Variants in STK10 observed in about 807,000 individuals in gnomAD.
The protein encoded by STK10 is serine/threonine kinase 10.
STK10 carries 78 observed loss-of-function variants against 113.8 expected under a neutral mutation model. That is an observed-to-expected ratio of 0.69 (90% CI 0.57 to 0.83). STK10 has a LOEUF of 0.83. Among genes scored for constraint, STK10 ranks in the 40% least tolerant of loss-of-function variants. The probability of loss-of-function intolerance (pLI) is 0.00; values close to 1 mark genes in which losing one functional copy is unlikely to be tolerated. For missense variants in STK10, 1,109 were observed against 1,280.1 expected, an observed-to-expected ratio of 0.87 and a Z score of 2.04; for synonymous variants, 465 against 494.7, an observed-to-expected ratio of 0.94 and a Z score of 0.80.
intron 14 of STK10, among the ~76,000 whole-genome samples, chr5:172,059,503 C>T (rs1226008477): frequency 6.6e-6 from 1 of 150,898 alleles, no homozygotes; most frequent in African/African-American, 2.4e-5. Context: ...GCCTACTTTG[C>T]ATACCCCATG....
chr5:172,106,950 C>T (rs1769127897), intron 5 of STK10, 136 bp from the exon 6 acceptor site: 2 of 825,542 alleles, frequency 2.4e-6, no homozygotes, highest in Non-Finnish European at 3.7e-6. Context: ...CGTGACTTTG[C>T]ATCCCACTGT....
At chr5:172,181,618 G>C (rs557353512) in intron 1 of STK10, among the ~76,000 whole-genome samples, 2 of 151,434 alleles carry the variant, frequency 1.3e-5, no homozygotes, top group South Asian at 2.1e-4. Flanking sequence ...TGAGTAGCTG[G>C]GATTACAGGC....
rs766348456 is a variant in STK10 at position 172,105,745 on chromosome 5, G to A, written c.789-8C>T. 1.2e-6 allele frequency: 2 copies of A among 1,613,682 alleles called. No individual in the cohort carries two copies. The highest frequency in any genetic ancestry group is 2.2e-5 in the South Asian group (2 of 91,084). On this transcript the variant is annotated splice_polypyrimidine_tract_variant and splice_region_variant and intron_variant, in intron 6 of 18. Coordinates refer to ENST00000176763, the MANE Select transcript of STK10 (RefSeq NM_005990.4). ...TCACGGAACTCTACAGACCTGGGAG[G>A]ACAGGCGTCAGAGGTAAGCATGGAG...
At chr5:172,176,887 C>A (rs1249360638) in intron 1 of STK10, among the ~76,000 whole-genome samples, 1 of 151,952 alleles carries the variant, frequency 6.6e-6, no homozygotes, top group Admixed American at 6.6e-5. Flanking sequence ...TAAAACAGAC[C>A]CCAGAGGCCG....
At chr5:172,168,495 G>C (rs532362950) in intron 1 of STK10, among the ~76,000 whole-genome samples, 1 of 152,300 alleles carries the variant, frequency 6.6e-6, no homozygotes, top group Non-Finnish European at 1.5e-5. Flanking sequence ...TGAGTCAGCA[G>C]AGGACAGGAG....
chr5:172,086,235 G>A (rs750259466), intron 10 of STK10, among the ~76,000 whole-genome samples: 4 of 152,180 alleles, frequency 2.6e-5, no homozygotes, highest in Non-Finnish European at 5.9e-5. Context: ...AGGAAGAAGA[G>A]GCAATGGCTG....
At chr5:172,150,857 C>T (rs1770209827) in intron 2 of STK10, among the ~76,000 whole-genome samples, 1 of 152,198 alleles carries the variant, frequency 6.6e-6, no homozygotes. Context: ...GTCACTCCTT[C>T]AGGGAGGGTA....
intron 18 of STK10, among the ~76,000 whole-genome samples, chr5:172,047,629 A>G (rs936565304): frequency 6.6e-5 from 10 of 152,186 alleles, no homozygotes; most frequent in African/African-American, 2.2e-4. Context: ...AGGACTCCCA[A>G]GGCCATCACA....
intron 9 of STK10, chr5:172,092,754 G>C (rs192089888): frequency 1.3e-5 from 2 of 152,198 alleles, no homozygotes; most frequent in Non-Finnish European, 2.9e-5. Flanking sequence ...GATTTATCGG[G>C]GAGGCCAGGA....
chr5:172,046,132 G>A (rs1400459889), intron 18 of STK10, among the ~76,000 whole-genome samples: 1 of 151,742 alleles, frequency 6.6e-6, no homozygotes, highest in African/African-American at 2.4e-5. Context: ...GGCCAAGGCG[G>A]GCGGATCACC....
chr5:172,116,096 C>T (rs1160808687), intron 4 of STK10, among the ~76,000 whole-genome samples: 3 of 152,026 alleles, frequency 2.0e-5, no homozygotes, highest in Non-Finnish European at 2.9e-5. Context: ...TTTTTGTTTT[C>T]GTGAAACAGG....
At chr5:172,104,330 C>G (rs890341288) in intron 7 of STK10, among the ~76,000 whole-genome samples, 5 of 152,192 alleles carry the variant, frequency 3.3e-5, no homozygotes, top group African/African-American at 9.7e-5. Context: ...TGTGCACAGC[C>G]CTCAGAACAC....
At chr5:172,113,727 A>G (rs991840888) in intron 4 of STK10, among the ~76,000 whole-genome samples, 1 of 152,126 alleles carries the variant, frequency 6.6e-6, no homozygotes, top group Non-Finnish European at 1.5e-5. Flanking sequence ...GACAAAAACC[A>G]ACATGGAAAA....
Position 172,057,462 on chromosome 5 carries a change from C to T in STK10, c.2224G>A (p.Ala742Thr). The T allele has an allele frequency of 6.5e-7, 1 of 1,550,332 alleles. No homozygotes were observed. Among genetic ancestry groups the T allele is most frequent in the Admixed American group, 2.0e-5 (1 of 51,034 alleles). Reference protein sequence around the residue: ...KQELLRDREAALWEMEEHQLQ... With the variant: ...KQELLRDREATLWEMEEHQLQ... ...TGGTGCTCTTCCATCTCCCACAGGG[C>T]TGCTTCCCGGTCTGCAGAGGACATG... The change falls in exon 15 of 19, where the codon GCC (alanine) becomes ACC (threonine). Residue 742 changes from alanine (A) to threonine (T), a missense_variant. Physicochemically the swap from Ala to Thr is moderately conservative, Grantham distance 58. Around this residue, in one of 5 missense-constraint regions of STK10, gnomAD observed 885 missense variants for 991.1 expected, o/e 0.89. Transcript: ENST00000176763.
chr5:172,082,821 C>T lies in STK10; in HGVS notation c.1809+140G>A. The T allele has an allele frequency of 7.3e-7, 1 of 1,363,288 alleles. No homozygotes were observed. Among genetic ancestry groups the T allele is most frequent in the Non-Finnish European group, 9.9e-7 (1 of 1,007,332 alleles). 84.4% of individuals were successfully genotyped at this position (1,363,288 alleles called of 1,614,324 possible). ...TCTGTGTTAACAAGTCACTGCCTAA[C>T]AAGATCGGGAAGCCCCCAGGAATTG... On this transcript the variant is annotated intron_variant, in intron 11 of 18. Coordinates refer to ENST00000176763, the MANE Select transcript of STK10 (RefSeq NM_005990.4). The surrounding 1 kb of genome is among the most constrained non-coding windows in gnomAD (Gnocchi z 4.3).
intron 4 of STK10, among the ~76,000 whole-genome samples, chr5:172,112,246 C>T (rs1769251860): frequency 6.6e-6 from 1 of 152,084 alleles, no homozygotes; most frequent in Non-Finnish European, 1.5e-5. Flanking sequence ...TGCAGGTACT[C>T]CAGTAGAAGA....
chr5:172,058,894 A>C (rs1252664002), intron 14 of STK10, among the ~76,000 whole-genome samples: 1 of 151,448 alleles, frequency 6.6e-6, no homozygotes. Flanking sequence ...GGTCTCAAAA[A>C]ACAAAAACAA....
chr5:172,170,097 T>G (rs1380460909), intron 1 of STK10, among the ~76,000 whole-genome samples: 1 of 151,624 alleles, frequency 6.6e-6, no homozygotes, highest in Non-Finnish European at 1.5e-5. Flanking sequence ...ATTACTCTGG[T>G]CATGGCAGAC....
At chr5:172,077,420 G>C (rs911259796) in intron 12 of STK10, among the ~76,000 whole-genome samples, 1 of 152,186 alleles carries the variant, frequency 6.6e-6, no homozygotes, top group Non-Finnish European at 1.5e-5. Flanking sequence ...AGTGATCTAA[G>C]AAGTTACAAC....
Sources: allele counts gnomAD v4.1 joint callset (sites outside exome capture counted in the v4.1 genomes callset), GRCh38; gene constraint gnomAD v4.1.1; regional missense constraint gnomAD v4.1.1; non-coding constraint Gnocchi (gnomAD v3.1); transcripts MANE v1.5; gene names NCBI Gene and HGNC (gene_info 2026-07-23, HGNC 2026-07-21).